CNBD1: variants seen among roughly 807,000 people sequenced by gnomAD.
CNBD1 encodes the protein cyclic nucleotide binding domain containing 1, also known as cyclic nucleotide-binding domain-containing protein 1.
CNBD1 carries 71 observed loss-of-function variants against 54.4 expected under a neutral mutation model. The ratio of observed to expected loss-of-function variants is 1.30; its 90% confidence interval spans 1.08 to 1.59. CNBD1 has a LOEUF of 1.59. CNBD1 is among the 40% of genes most tolerant of loss of function. The probability of loss-of-function intolerance (pLI) is 0.00; values close to 1 mark genes in which losing one functional copy is unlikely to be tolerated. For synonymous variants in CNBD1, 182 were observed against 170.7 expected, an observed-to-expected ratio of 1.07 and a Z score of -0.51; for missense variants, 659 against 518.0, an observed-to-expected ratio of 1.27 and a Z score of -2.64.
intron 2 of CNBD1, among the ~76,000 whole-genome samples, chr8:87,413,451 C>A (rs912748513): frequency 2.6e-5 from 4 of 152,002 alleles, no homozygotes; most frequent in Non-Finnish European, 5.9e-5. Context: ...TCAATTAAAT[C>A]CCTTGAAGTT....
chr8:87,319,100 G>T (rs1387517108), intron 8 of CNBD1, among the ~76,000 whole-genome samples: 6 of 152,020 alleles, frequency 3.9e-5, no homozygotes, highest in South Asian at 2.1e-4. Flanking sequence ...GGAAGGAGAG[G>T]ATATTAGGAG....
chr8:87,038,804 A>G (rs1810002736), intron 4 of CNBD1, among the ~76,000 whole-genome samples: 1 of 152,202 alleles, frequency 6.6e-6, no homozygotes, highest in South Asian at 2.1e-4. Context: ...TAAAGGCAAG[A>G]TGGGAGTTGG....
chr8:86,941,077 T>C (rs183213685), intron 4 of CNBD1, among the ~76,000 whole-genome samples: 53 of 152,320 alleles, frequency 3.5e-4, no homozygotes, highest in Admixed American at 5.2e-4. Flanking sequence ...ATGACTATGA[T>C]TGCAAATTTG....
chr8:87,048,509 G>T (rs1270487934), intron 4 of CNBD1, among the ~76,000 whole-genome samples: 1 of 152,056 alleles, frequency 6.6e-6, no homozygotes, highest in South Asian at 2.1e-4. Context: ...GTGGTCTCGA[G>T]GCACAATGTA....
chr8:87,323,839 G>A (rs1287976381), intron 8 of CNBD1, among the ~76,000 whole-genome samples: 1 of 127,180 alleles, frequency 7.9e-6, no homozygotes, highest in African/African-American at 2.9e-5. Flanking sequence ...CCAACACTGT[G>A]TTGAATAGGA....
At chr8:86,933,911 G>A (rs976461639) in intron 3 of CNBD1, among the ~76,000 whole-genome samples, 2 of 151,820 alleles carry the variant, frequency 1.3e-5, no homozygotes, top group South Asian at 4.2e-4. Context: ...TATTTATCTG[G>A]AATAAAAATT....
intron 4 of CNBD1, among the ~76,000 whole-genome samples, chr8:87,069,431 A>G (rs1159703441): frequency 1.3e-5 from 2 of 152,106 alleles, no homozygotes; most frequent in Non-Finnish European, 2.9e-5. Flanking sequence ...TTAGCTACAC[A>G]AATACTTACC....
intron 5 of CNBD1, among the ~76,000 whole-genome samples, chr8:87,212,892 A>G (rs1814131122): frequency 6.6e-6 from 1 of 152,166 alleles, no homozygotes; most frequent in African/African-American, 2.4e-5. Flanking sequence ...GCTTCAAAGA[A>G]TAGAATCAAT....
intron 4 of CNBD1, among the ~76,000 whole-genome samples, chr8:87,084,895 G>A (rs112969372): frequency 2.0e-5 from 3 of 152,006 alleles, no homozygotes; most frequent in South Asian, 2.1e-4. Context: ...GGCTGGTCTC[G>A]AACTCCCAAC....
chr8:87,240,905 C>A (rs917009372), intron 6 of CNBD1, among the ~76,000 whole-genome samples: 1 of 152,008 alleles, frequency 6.6e-6, no homozygotes. Context: ...GGTCAAAATT[C>A]ATCTCTCCAG....
chr8:87,040,423 C>CTTTTT (rs71277911), intron 4 of CNBD1, among the ~76,000 whole-genome samples: 1 of 129,388 alleles, frequency 7.7e-6, no homozygotes, highest in South Asian at 2.5e-4. Flanking sequence ...AATTCTTTTT[C>CTTTTT]TTTTTTTTTT....
chr8:87,188,756 A>T (rs945585706), intron 4 of CNBD1, among the ~76,000 whole-genome samples: 8 of 151,368 alleles, frequency 5.3e-5, no homozygotes, highest in Non-Finnish European at 1.2e-4. Flanking sequence ...CTCAAAAAAA[A>T]AAAAAAATAA....
intron 2 of CNBD1, among the ~76,000 whole-genome samples, chr8:86,893,640 C>T (rs1301868544): frequency 6.6e-6 from 1 of 152,078 alleles, no homozygotes; most frequent in Non-Finnish European, 1.5e-5. Flanking sequence ...CTACAGTTAG[C>T]CTGTAAACTC....
At chr8:86,938,717 A>C (rs542739324) in intron 3 of CNBD1, among the ~76,000 whole-genome samples, 1 of 152,228 alleles carries the variant, frequency 6.6e-6, no homozygotes, top group South Asian at 2.1e-4. Context: ...GAATTATGGG[A>C]GCTACAATTC....
At chr8:87,338,925 G>A (rs1810008383) in intron 8 of CNBD1, among the ~76,000 whole-genome samples, 1 of 152,104 alleles carries the variant, frequency 6.6e-6, no homozygotes, top group Non-Finnish European at 1.5e-5. Context: ...TCAGACCTCA[G>A]TGTTTTAGTA....
chr8:86,867,183 T>A (rs1475507219), intron 1 of CNBD1, among the ~76,000 whole-genome samples: 1 of 152,176 alleles, frequency 6.6e-6, no homozygotes, highest in Non-Finnish European at 1.5e-5. Flanking sequence ...CCTATAACGT[T>A]TTCTTAAGAT....
chr8:87,089,258 TA>T (rs1209297480), intron 4 of CNBD1, among the ~76,000 whole-genome samples: 1 of 152,102 alleles, frequency 6.6e-6, no homozygotes, highest in African/African-American at 2.4e-5. Flanking sequence ...TGCTGGTTAT[TA>T]AAAGTATGAG....
intron 1 of CNBD1, among the ~76,000 whole-genome samples, chr8:86,872,937 C>G (rs1428422644): frequency 6.6e-6 from 1 of 152,116 alleles, no homozygotes; most frequent in Admixed American, 6.5e-5. Flanking sequence ...TCTCATTTAT[C>G]TACATTGACT....
chr8:87,269,598 G>A (rs1195800228), intron 6 of CNBD1, among the ~76,000 whole-genome samples: 1 of 151,978 alleles, frequency 6.6e-6, no homozygotes, highest in Non-Finnish European at 1.5e-5. Flanking sequence ...ATTTCTTTCA[G>A]CAGTATTTTG....
Sources: gnomAD v4.1 joint callset for allele counts (sites outside exome capture counted in the v4.1 genomes callset) on GRCh38, gnomAD v4.1.1 for gene constraint, MANE v1.5 for transcripts, NCBI Gene and HGNC (gene_info 2026-07-23, HGNC 2026-07-21) for gene names.